The following ST8SIA6 variants were observed in gnomAD, a reference collection of about 807,000 sequenced individuals.
ST8SIA6 encodes the protein alpha-2,8-sialyltransferase 8F.
ST8SIA6 carries 39 observed loss-of-function variants against 33.6 expected under a neutral mutation model. That is an observed-to-expected ratio of 1.16 (90% CI 0.90 to 1.52). The LOEUF is 1.52. ST8SIA6 is among the 40% of genes most tolerant of loss of function. ST8SIA6 has a pLI of 0.00. For synonymous variants in ST8SIA6, 172 were observed against 167.2 expected, an observed-to-expected ratio of 1.03 and a Z score of -0.22; for missense variants, 441 against 443.8, an observed-to-expected ratio of 0.99 and a Z score of 0.06.
At chr10:17,341,387 T>A (rs1848667869) in intron 4 of ST8SIA6, among the ~76,000 whole-genome samples, 1 of 152,140 alleles carries the variant, frequency 6.6e-6, no homozygotes, top group Admixed American at 6.5e-5. Context: ...ATTCAGTAGC[T>A]CTCTTCAAAT....
chr10:17,358,570 G>A (rs1849271189), intron 4 of ST8SIA6, among the ~76,000 whole-genome samples: 1 of 151,232 alleles, frequency 6.6e-6, no homozygotes, highest in African/African-American at 2.4e-5. Context: ...AAATCAGAAT[G>A]TGGAAAAGGA....
At chr10:17,339,855 T>C (rs1848618550) in intron 4 of ST8SIA6, among the ~76,000 whole-genome samples, 1 of 152,240 alleles carries the variant, frequency 6.6e-6, no homozygotes, top group Admixed American at 6.5e-5. Context: ...CATTCACTCA[T>C]TCATATTTAT....
At chr10:17,401,626 A>G (rs1321444682) in intron 2 of ST8SIA6, among the ~76,000 whole-genome samples, 2 of 152,210 alleles carry the variant, frequency 1.3e-5, no homozygotes, top group African/African-American at 4.8e-5. Flanking sequence ...AAATAATACC[A>G]CACATCTGCA....
intron 4 of ST8SIA6, among the ~76,000 whole-genome samples, chr10:17,337,094 G>A (rs76478444): frequency 6.6e-6 from 1 of 152,134 alleles, no homozygotes; most frequent in Non-Finnish European, 1.5e-5. Flanking sequence ...TCTCGTGATA[G>A]TGACTGAGTT....
chr10:17,398,945 CA>C (rs1251806101), intron 2 of ST8SIA6, among the ~76,000 whole-genome samples: 1 of 152,196 alleles, frequency 6.6e-6, no homozygotes, highest in Non-Finnish European at 1.5e-5. Context: ...CTGCAACACA[CA>C]TACACCATGT....
intron 3 of ST8SIA6, among the ~76,000 whole-genome samples, chr10:17,383,475 G>A (rs892308491): frequency 2.0e-5 from 3 of 152,168 alleles, no homozygotes; most frequent in East Asian, 1.9e-4. Flanking sequence ...ATACCTTAGT[G>A]TACCTTATCA....
chr10:17,373,753 T>A (rs61842088), intron 3 of ST8SIA6, among the ~76,000 whole-genome samples: 3 of 152,108 alleles, frequency 2.0e-5, no homozygotes, highest in African/African-American at 7.2e-5. Context: ...TATTTCTCAA[T>A]GACTTTAAAT....
chr10:17,365,277 C>T (rs570963710), intron 3 of ST8SIA6, among the ~76,000 whole-genome samples: 6 of 152,094 alleles, frequency 3.9e-5, no homozygotes, highest in South Asian at 2.1e-4. Context: ...AAGATGAAGA[C>T]CCACATGCTG....
At chr10:17,375,556 AT>A (rs1344477609) in intron 3 of ST8SIA6, among the ~76,000 whole-genome samples, 7 of 152,208 alleles carry the variant, frequency 4.6e-5, no homozygotes, top group African/African-American at 1.7e-4. Flanking sequence ...AGAAAATTCA[AT>A]TGTTCTCAGT....
intron 2 of ST8SIA6, among the ~76,000 whole-genome samples, chr10:17,440,104 A>T (rs1365552243): frequency 1.3e-5 from 2 of 152,190 alleles, no homozygotes; most frequent in Non-Finnish European, 2.9e-5. Flanking sequence ...GGCTTTCATA[A>T]TCATAAGCAA....
At chr10:17,422,984 T>C (rs1328484850) in intron 2 of ST8SIA6, among the ~76,000 whole-genome samples, 1 of 152,188 alleles carries the variant, frequency 6.6e-6, no homozygotes, top group Non-Finnish European at 1.5e-5. Flanking sequence ...TGGAAAATGA[T>C]GAAAATCCCG....
chr10:17,383,113 T>C (rs987758020), intron 3 of ST8SIA6, among the ~76,000 whole-genome samples: 2 of 152,176 alleles, frequency 1.3e-5, no homozygotes, highest in Non-Finnish European at 2.9e-5. Context: ...TCACAAAGAA[T>C]GAAGGTTTTC....
chr10:17,406,973 A>G (rs2054080397), intron 2 of ST8SIA6, among the ~76,000 whole-genome samples: 1 of 151,942 alleles, frequency 6.6e-6, no homozygotes, highest in African/African-American at 2.4e-5. Flanking sequence ...TTTTATTTTT[A>G]GTAGATATGG....
intron 2 of ST8SIA6, chr10:17,409,996 T>G (rs1210943956): frequency 6.6e-6 from 1 of 152,218 alleles, no homozygotes; most frequent in Non-Finnish European, 1.5e-5. Flanking sequence ...GCCTAATTAA[T>G]GTGGAAGCCC....
intron 2 of ST8SIA6, among the ~76,000 whole-genome samples, chr10:17,430,444 C>T (rs1852069213): frequency 6.6e-6 from 1 of 152,192 alleles, no homozygotes; most frequent in African/African-American, 2.4e-5. Context: ...GGTAGATCCA[C>T]TTTTAGTGGA....
intron 4 of ST8SIA6, among the ~76,000 whole-genome samples, chr10:17,335,624 T>A (rs1848474164): frequency 6.6e-6 from 1 of 152,060 alleles, no homozygotes; most frequent in Non-Finnish European, 1.5e-5. Context: ...AACCTACCAT[T>A]CAAAAAAGAT....
At position 17,343,869 on chromosome 10, in the gene ST8SIA6, AAAT is replaced by A. The variant is rs199856708; in HGVS notation, c.378-12320_378-12318del. On this transcript the variant is annotated intron_variant, in intron 4 of 7. Coordinates refer to ENST00000377602, the MANE Select transcript of ST8SIA6 (RefSeq NM_001004470.3). ...TTGAAGCTCATGTCTATAGATGCAT[AAAT>A]AATAATAATAAATACATGCATGGCT... 5.0e-3 allele frequency among the ~76,000 whole-genome samples: 769 copies of A among 152,300 alleles called. 6 individuals carry two copies. The highest frequency in any genetic ancestry group is 0.018 in the African/African-American group (740 of 41,550).
intron 2 of ST8SIA6, among the ~76,000 whole-genome samples, chr10:17,445,354 A>T (rs1389458389): frequency 2.8e-4 from 42 of 152,248 alleles, no homozygotes; most frequent in Admixed American, 2.7e-3. Context: ...TTTCGGTGGC[A>T]ACAGATCAGC....
chr10:17,415,786 A>T (rs1851586525), intron 2 of ST8SIA6, among the ~76,000 whole-genome samples: 4 of 149,078 alleles, frequency 2.7e-5, no homozygotes, highest in African/African-American at 9.9e-5. Flanking sequence ...TCCAAATTCA[A>T]TGGACGCCTC....
Sources: gnomAD v4.1 joint callset for allele counts (sites outside exome capture counted in the v4.1 genomes callset) on GRCh38, gnomAD v4.1.1 for gene constraint, MANE v1.5 for transcripts, NCBI Gene and HGNC (gene_info 2026-07-23, HGNC 2026-07-21) for gene names.